Variants in OGN observed in about 807,000 individuals in gnomAD.
OGN encodes the protein mimecan.
In OGN, 19 loss-of-function variants were observed where a neutral mutation model predicts 30.8. That is an observed-to-expected ratio of 0.62 (90% CI 0.43 to 0.90). OGN has a LOEUF of 0.90. Ranked by LOEUF, OGN falls within the 40% of genes least tolerant of loss-of-function variation. OGN has a pLI of 0.00. For synonymous variants in OGN, 126 were observed against 128.3 expected (o/e 0.98, Z 0.12); for missense variants, 283 against 349.7 (o/e 0.81, Z 1.52).
At chr9:92,401,402 G>T (rs1564301103) in intron 2 of OGN, among the ~76,000 whole-genome samples, 1 of 152,146 alleles carries the variant, frequency 6.6e-6, no homozygotes, top group African/African-American at 2.4e-5. Flanking sequence ...TTGAGTAAAA[G>T]AACTGGGTGT....
rs1368426791 is a variant in OGN at position 92,399,947 on chromosome 9, T to C, written c.268+1145A>G. 3.9e-5 allele frequency among the ~76,000 whole-genome samples: 6 copies of C among 152,346 alleles called. No homozygotes were observed. In the East Asian group the frequency reaches 1.2e-3, roughly 29 times the overall value. Reference sequence around the variant, plus strand: ...GTGTAGTACATCTGATTCCTACATATACTTGTTACTGTTTACTGTTTCCCT... The same window carrying C: ...GTGTAGTACATCTGATTCCTACATACACTTGTTACTGTTTACTGTTTCCCT... On this transcript the variant is annotated intron_variant, in intron 3 of 6. Coordinates refer to ENST00000375561, the MANE Select transcript of OGN (RefSeq NM_014057.5).
chr9:92,398,539 A>G (rs1205702619), intron 3 of OGN, among the ~76,000 whole-genome samples: 1 of 150,314 alleles, frequency 6.7e-6, no homozygotes, highest in African/African-American at 2.4e-5. Flanking sequence ...ATTCTTTTGC[A>G]CTTTGTTTTT....
Position 92,386,278 on chromosome 9 carries a change from A to AG in OGN, c.648dup (p.Phe217LeufsTer7). 1 of 1,613,040 alleles carries AG rather than the reference A, an allele frequency of 6.2e-7. No homozygotes were observed. Among genetic ancestry groups the AG allele is most frequent in the Non-Finnish European group, 8.5e-7 (1 of 1,179,138 alleles). ...AGGGCATTATGGTCCAAGTAGAGGA[A>AG]GGTGAGGTTATTCAGTTTCTGTAAG... On this transcript the variant is annotated frameshift_variant, in exon 6 of 7. Coordinates refer to ENST00000375561, the MANE Select transcript of OGN (RefSeq NM_014057.5). LOFTEE classifies it high-confidence loss of function.
chr9:92,396,800 G>A (rs1284489373), intron 3 of OGN, among the ~76,000 whole-genome samples: 1 of 151,980 alleles, frequency 6.6e-6, no homozygotes, highest in African/African-American at 2.4e-5. Context: ...AACTCCTGAG[G>A]TCAAGCAGTC....
chr9:92,391,402 A>C (rs909996896), intron 4 of OGN, among the ~76,000 whole-genome samples: 3 of 151,824 alleles, frequency 2.0e-5, no homozygotes, highest in Admixed American at 1.3e-4. Flanking sequence ...GTAAGACTCC[A>C]TCTCAAAAAA....
At chr9:92,388,693 G>A (rs1325805424) in intron 5 of OGN, among the ~76,000 whole-genome samples, 1 of 151,824 alleles carries the variant, frequency 6.6e-6, no homozygotes, top group Admixed American at 6.6e-5. Context: ...TTAGCCGGGC[G>A]TGGTGGTGTG....
At chr9:92,388,687 C>T (rs1842539583) in intron 5 of OGN, among the ~76,000 whole-genome samples, 1 of 151,630 alleles carries the variant, frequency 6.6e-6, no homozygotes, top group Non-Finnish European at 1.5e-5. Context: ...TAGAAATTAG[C>T]CGGGCGTGGT....
intron 4 of OGN, among the ~76,000 whole-genome samples, chr9:92,391,193 G>A (rs1157099850): frequency 2.0e-5 from 3 of 150,772 alleles, no homozygotes; most frequent in Non-Finnish European, 2.9e-5. Flanking sequence ...TCAGGAGATC[G>A]AGACCATCCT....
chr9:92,397,328 G>C (rs1242510959), intron 3 of OGN, among the ~76,000 whole-genome samples: 1 of 151,900 alleles, frequency 6.6e-6, no homozygotes, highest in African/African-American at 2.4e-5. Context: ...GGTTTTTTTG[G>C]TTTGTTCATT....
chr9:92,385,808 A>G lies in OGN; in HGVS notation c.727-18T>C. On this transcript the variant is annotated intron_variant, in intron 6 of 6. Coordinates refer to ENST00000375561, the MANE Select transcript of OGN (RefSeq NM_014057.5). ...TTGTTGAACTGAAAAAAAACGAGGA[A>G]AACATTGTTCAGAAATCTGAAATCA... 1 of 1,613,522 alleles carries G rather than the reference A, an allele frequency of 6.2e-7. No individual in the cohort carries two copies. Among genetic ancestry groups the G allele is most frequent in the Non-Finnish European group, 8.5e-7 (1 of 1,179,510 alleles).
intron 4 of OGN, among the ~76,000 whole-genome samples, chr9:92,390,587 T>TGTGTGTGTGCGTGCGCGC (rs749697394): frequency 7.1e-6 from 1 of 141,814 alleles, no homozygotes; most frequent in Non-Finnish European, 1.6e-5. Context: ...TGTGTGTGTG[T>TGTGTGTGTGCGTGCGCGC]GCGCGCGCGC....
Position 92,393,126 on chromosome 9 carries a change from G to A in OGN, c.387C>T (p.Asn129=). The A allele has an allele frequency of 6.2e-7, 1 of 1,613,452 alleles. No individual in the cohort carries two copies. The highest frequency in any genetic ancestry group is 8.5e-7 in the Non-Finnish European group (1 of 1,179,776). Residue 129 remains asparagine, a synonymous_variant, in exon 4 of 7, where the codon AAC becomes AAT. Coordinates refer to ENST00000375561, the MANE Select transcript of OGN (RefSeq NM_014057.5). ...KESAYLYARF[N]KIKKLTAKDF... ...CTTTGGCAGTCAGCTTTTTAATTTT[G>A]TTGAATCGTGCGTAAAGATAGGCTG...
At position 92,384,858 on chromosome 9, in the gene OGN, T is replaced by C. The variant is rs1842361847; in HGVS notation, c.*762A>G. The C allele has an allele frequency of 6.6e-6, 1 of 152,352 alleles. No individual in the cohort carries two copies. Among genetic ancestry groups the C allele is most frequent in the Non-Finnish European group, 1.5e-5 (1 of 68,004 alleles). 9.4% of individuals were successfully genotyped at this position (152,352 alleles called of 1,614,324 possible). On this transcript the variant is annotated 3_prime_UTR_variant, in exon 7 of 7. Transcript: ENST00000375561. ...GAACTTTATCAGAAATGGATGAACT[T>C]TTCATTATTTCTTATAAGCATATTG...
intron 4 of OGN, among the ~76,000 whole-genome samples, chr9:92,391,213 G>A (rs374308102): frequency 3.3e-5 from 5 of 151,326 alleles, no homozygotes; most frequent in Admixed American, 6.6e-5. Context: ...TGGCTAACAC[G>A]GTGAAACCCC....
Position 92,384,372 on chromosome 9 carries a change from A to G in OGN, c.*1248T>C, listed in dbSNP as rs945056063. The G allele has an allele frequency of 2.0e-5, 3 of 152,322 alleles. No individual in the cohort carries two copies. The highest frequency in any genetic ancestry group is 7.2e-5 in the African/African-American group (3 of 41,584). 9.4% of individuals were successfully genotyped at this position (152,322 alleles called of 1,614,324 possible). A position where few individuals can be genotyped will look rare whatever the true frequency, so the allele number is the denominator to read the frequency against. On this transcript the variant is annotated 3_prime_UTR_variant, in exon 7 of 7. Transcript: ENST00000375561. ...TGTACACAGAGACAACTTGATTTCA[A>G]TACATACTTTATGGTGGAAATAATG...
rs1301654308 is a variant in OGN at position 92,383,400 on chromosome 9, T to C, written c.*2220A>G. ...ATCATATTGGATAGTATTGTTGTCT[T>C]AACAACATTAAATCTTACCATCCAT... On this transcript the variant is annotated 3_prime_UTR_variant, in exon 7 of 7. Transcript: ENST00000375561. 6.6e-6 allele frequency among the ~76,000 whole-genome samples: 1 copy of C among 152,200 alleles called. No homozygotes were observed. Among genetic ancestry groups the C allele is most frequent in the Non-Finnish European group, 1.5e-5 (1 of 68,034 alleles).
At chr9:92,395,315 TC>T (rs558130504) in intron 3 of OGN, among the ~76,000 whole-genome samples, 209 of 152,342 alleles carry the variant, frequency 1.4e-3, no homozygotes, top group African/African-American at 4.6e-3. Flanking sequence ...TTTTCTGGCT[TC>T]TTTTACTCAG....
chr9:92,385,336 G>T lies in OGN; in HGVS notation c.*284C>A. 2 of 263,924 alleles carry T rather than the reference G, an allele frequency of 7.6e-6. No individual in the cohort carries two copies. The highest frequency in any genetic ancestry group is 7.5e-5 in the South Asian group (1 of 13,404). The allele number at this position is 263,924 out of a possible 1,614,324, so 16.3% of individuals were successfully genotyped here. A position where few individuals can be genotyped will look rare whatever the true frequency, so the allele number is the denominator to read the frequency against. ...AATAGGAATAATGCATCTCAAATTT[G>T]GGCATTTATATAAAAACATGATTTT... On this transcript the variant is annotated 3_prime_UTR_variant, in exon 7 of 7. Coordinates refer to ENST00000375561, the MANE Select transcript of OGN (RefSeq NM_014057.5).
Position 92,384,020 on chromosome 9 carries a change from G to A in OGN, c.*1600C>T, listed in dbSNP as rs761967168. 1.3e-5 allele frequency: 2 copies of A among 152,128 alleles called. No homozygotes were observed. The highest frequency in any genetic ancestry group is 2.9e-5 in the Non-Finnish European group (2 of 68,010). 9.4% of individuals were successfully genotyped at this position (152,128 alleles called of 1,614,324 possible). The stretch of plus-strand genomic sequence containing the variant: ...TATTTATTATATATTCAATTCAAAT[G>A]TACTCACTATTGTGCTAGGCAATTG... On this transcript the variant is annotated 3_prime_UTR_variant, in exon 7 of 7. Coordinates refer to ENST00000375561, the MANE Select transcript of OGN (RefSeq NM_014057.5).
Sources: gnomAD v4.1 joint callset for allele counts (sites outside exome capture counted in the v4.1 genomes callset) on GRCh38, gnomAD v4.1.1 for gene constraint, MANE v1.5 for transcripts, NCBI Gene and HGNC (gene_info 2026-07-23, HGNC 2026-07-21) for gene names.